DHRS7B: variants seen among roughly 807,000 people sequenced by gnomAD.
DHRS7B encodes the protein dehydrogenase/reductase 7B.
DHRS7B carries 24 observed loss-of-function variants against 26.4 expected under a neutral mutation model. That is an observed-to-expected ratio of 0.91 (90% CI 0.66 to 1.28). DHRS7B has a LOEUF of 1.28. Ranked by LOEUF, DHRS7B falls within the 50% of genes most tolerant of loss-of-function variation. The probability of loss-of-function intolerance (pLI) is 0.00; values close to 1 mark genes in which losing one functional copy is unlikely to be tolerated. For synonymous variants in DHRS7B, 142 were observed against 166.4 expected (o/e 0.85, Z 1.13); for missense variants, 368 against 419.4 (o/e 0.88, Z 1.07).
intron 1 of DHRS7B, among the ~76,000 whole-genome samples, chr17:21,155,792 T>C (rs978619200): frequency 6.6e-6 from 1 of 152,154 alleles, no homozygotes; most frequent in Non-Finnish European, 1.5e-5. Flanking sequence ...GGAATTGAAC[T>C]AGAAATCAGT....
At chr17:21,144,137 G>A (rs1344529433) in intron 1 of DHRS7B, among the ~76,000 whole-genome samples, 2 of 152,220 alleles carry the variant, frequency 1.3e-5, no homozygotes, top group African/African-American at 4.8e-5. Flanking sequence ...CAGCAGTAGA[G>A]GATGCTTGTA....
At chr17:21,140,365 C>T (rs1973467469) in intron 1 of DHRS7B, among the ~76,000 whole-genome samples, 1 of 151,884 alleles carries the variant, frequency 6.6e-6, no homozygotes, top group African/African-American at 2.4e-5. Flanking sequence ...GCTACGTAGC[C>T]TTAAATTTGC....
rs753215417 is a variant in DHRS7B, at chr17:21,190,972, G to A, written c.797G>A (p.Gly266Asp). 3.1e-6 allele frequency: 5 copies of A among 1,614,244 alleles called. No individual in the cohort carries two copies. The highest frequency in any genetic ancestry group is 4.2e-6 in the Non-Finnish European group (5 of 1,180,042). Reference sequence around the variant, plus strand: ...GTTATGGACACCACCACAGCCCAGGGCCGAAGCCCTGTGGAGGTGGCCCAG... The same window carrying A: ...GTTATGGACACCACCACAGCCCAGGACCGAAGCCCTGTGGAGGTGGCCCAG... ...YGVMDTTTAQ[G>D]RSPVEVAQDV... The change falls in exon 7 of 7, where the codon GGC (glycine) becomes GAC (aspartate). Residue 266 changes from glycine to aspartate, a missense_variant. Gly to Asp is a moderately conservative substitution (Grantham distance 94, BLOSUM62 -1). Coordinates refer to ENST00000395511, the MANE Select transcript of DHRS7B (RefSeq NM_015510.5).
intron 1 of DHRS7B, among the ~76,000 whole-genome samples, chr17:21,161,254 C>G (rs1228929565): frequency 1.3e-5 from 2 of 152,076 alleles, no homozygotes; most frequent in Non-Finnish European, 2.9e-5. Context: ...CAGTGTAACA[C>G]CGGTGAGGGA....
At chr17:21,189,232 A>G (rs959928820) in intron 6 of DHRS7B, among the ~76,000 whole-genome samples, 8 of 152,172 alleles carry the variant, frequency 5.3e-5, no homozygotes, top group African/African-American at 1.9e-4. Context: ...ACCTCATGGC[A>G]AGTGTAGGGT....
intron 1 of DHRS7B, among the ~76,000 whole-genome samples, chr17:21,148,319 A>G (rs550986038): frequency 6.6e-6 from 1 of 152,318 alleles, no homozygotes; most frequent in Admixed American, 6.5e-5. Flanking sequence ...TTATCAGAGA[A>G]ACTTAAGATA....
intron 2 of DHRS7B, among the ~76,000 whole-genome samples, chr17:21,177,232 TGTGAGAGCACCCAGGCAC>T (rs1228876031): frequency 7.2e-5 from 11 of 152,190 alleles, no homozygotes; most frequent in Non-Finnish European, 1.3e-4. Context: ...CCTGCCCGCG[TGTGAGAGCACCCAGGCAC>T]GTGAGAGCAC....
At chr17:21,179,143 C>T (rs902660069) in intron 3 of DHRS7B, among the ~76,000 whole-genome samples, 2 of 152,028 alleles carry the variant, frequency 1.3e-5, no homozygotes, top group Non-Finnish European at 1.5e-5. Flanking sequence ...TGTAGAGACA[C>T]GGTCTCACTA....
At chr17:21,164,648 G>A (rs1338997182) in intron 1 of DHRS7B, among the ~76,000 whole-genome samples, 1 of 152,206 alleles carries the variant, frequency 6.6e-6, no homozygotes, top group Non-Finnish European at 1.5e-5. Context: ...ACTCTGTGTT[G>A]TTTCACACTG....
chr17:21,183,620 G>A lies in DHRS7B; in HGVS notation c.336G>A (p.Val112=), dbSNP rs367713441. 7.9e-5 allele frequency: 127 copies of A among 1,613,328 alleles called. No individual in the cohort carries two copies. Among genetic ancestry groups the A allele is most frequent in the Non-Finnish European group, 1.0e-4 (121 of 1,180,054 alleles). The stretch of plus-strand genomic sequence containing the variant: ...TGCAGACACACAAGCCTTACTTGGT[G>A]ACCTTCGACCTCACAGACTCTGGGG... ...TKVQTHKPYL[V]TFDLTDSGAI... Residue 112 remains valine, a synonymous_variant, in exon 4 of 7, where the codon GTG becomes GTA. Coordinates refer to ENST00000395511, the MANE Select transcript of DHRS7B (RefSeq NM_015510.5).
chr17:21,160,432 G>A (rs1973976505), intron 1 of DHRS7B, among the ~76,000 whole-genome samples: 1 of 152,150 alleles, frequency 6.6e-6, no homozygotes, highest in Non-Finnish European at 1.5e-5. Flanking sequence ...GAAGAGACCT[G>A]AGTGAAGAAA....
intron 5 of DHRS7B, among the ~76,000 whole-genome samples, chr17:21,186,293 T>C (rs1974633111): frequency 6.6e-6 from 1 of 152,220 alleles, no homozygotes; most frequent in Admixed American, 6.5e-5. Flanking sequence ...GGGTAAGTGA[T>C]GTGGCCAGCG....
Position 21,184,416 on chromosome 17 carries a change from C to T in DHRS7B, c.572C>T (p.Ala191Val). ...MIKRRQGHIV[A>V]ISSIQGKMSI... ...AAGAGGAGGCAAGGCCACATTGTCG[C>T]CATCAGCAGCATCCAGGGCAAGATG... is the stretch of plus-strand genomic sequence containing the variant. The change falls in exon 5 of 7, where the codon GCC (alanine) becomes GTC (valine). Residue 191 changes from alanine (A) to valine (V), a missense_variant. Physicochemically the swap from Ala to Val is moderately conservative, Grantham distance 64. Coordinates refer to ENST00000395511, the MANE Select transcript of DHRS7B (RefSeq NM_015510.5). 6.2e-7 allele frequency: 1 copy of T among 1,614,220 alleles called. No homozygotes were observed. The highest frequency in any genetic ancestry group is 8.5e-7 in the Non-Finnish European group (1 of 1,180,044).
chr17:21,136,882 T>C (rs1973355395), intron 1 of DHRS7B, among the ~76,000 whole-genome samples: 2 of 152,140 alleles, frequency 1.3e-5, no homozygotes, highest in Admixed American at 6.6e-5. Flanking sequence ...TCTCAGTTTT[T>C]TTATTTCTAA....
chr17:21,140,225 T>C (rs1973464340), intron 1 of DHRS7B, among the ~76,000 whole-genome samples: 2 of 151,866 alleles, frequency 1.3e-5, no homozygotes, highest in Middle Eastern at 3.2e-3. Flanking sequence ...GGTTTCACCA[T>C]GTTAGCCAGG....
intron 1 of DHRS7B, among the ~76,000 whole-genome samples, chr17:21,156,058 A>G (rs141826106): frequency 2.0e-4 from 30 of 152,310 alleles, no homozygotes; most frequent in Non-Finnish European, 4.0e-4. Flanking sequence ...GGCAACTAGA[A>G]AAAGAAGAGA....
intron 1 of DHRS7B, among the ~76,000 whole-genome samples, chr17:21,149,719 C>A (rs1356259487): frequency 6.6e-6 from 1 of 151,922 alleles, no homozygotes; most frequent in Non-Finnish European, 1.5e-5. Context: ...CTTATTACAT[C>A]TGTGAGATAT....
intron 1 of DHRS7B, among the ~76,000 whole-genome samples, chr17:21,151,131 T>C (rs76604401): frequency 1.1e-3 from 165 of 152,272 alleles, no homozygotes; most frequent in African/African-American, 3.9e-3. Flanking sequence ...ACAACAGTTA[T>C]GTGATTAGTG....
chr17:21,138,093 T>TACACACACACACACACACAC (rs1199383924), intron 1 of DHRS7B, among the ~76,000 whole-genome samples: 1 of 78,224 alleles, frequency 1.3e-5, no homozygotes, highest in Non-Finnish European at 2.3e-5. Context: ...TATATATATA[T>TACACACACACACACACACAC]ATATATATAC....
Sources: gnomAD v4.1 joint callset for allele counts (sites outside exome capture counted in the v4.1 genomes callset) on GRCh38, gnomAD v4.1.1 for gene constraint, MANE v1.5 for transcripts, NCBI Gene and HGNC (gene_info 2026-07-23, HGNC 2026-07-21) for gene names.